SPECC1: variants seen among roughly 807,000 people sequenced by gnomAD.
SPECC1 encodes the protein sperm antigen with calponin homology and coiled-coil domains 1.
In SPECC1, 62 loss-of-function variants were observed where a neutral mutation model predicts 104.1. That is an observed-to-expected ratio of 0.60 (90% confidence interval 0.49 to 0.74). The LOEUF is 0.74. Among genes scored for constraint, SPECC1 ranks in the 30% least tolerant of loss-of-function variants. The pLI, the probability that SPECC1 is intolerant of heterozygous loss-of-function variation, is 0.00. For synonymous variants in SPECC1, 513 were observed against 501.6 expected (o/e 1.02, Z -0.30); for missense variants, 1,306 against 1,310.5 (o/e 1.00, Z 0.05).
At chr17:20,160,749 C>A (rs1341680555) in intron 3 of SPECC1, among the ~76,000 whole-genome samples, 1 of 152,128 alleles carries the variant, frequency 6.6e-6, no homozygotes, top group East Asian at 1.9e-4. Context: ...CTCTACAATT[C>A]TACATGATAT....
chr17:20,209,161 G>C (rs1047241719), intron 4 of SPECC1, among the ~76,000 whole-genome samples: 1 of 152,114 alleles, frequency 6.6e-6, no homozygotes, highest in African/African-American at 2.4e-5. Context: ...TCAGTTTTCA[G>C]TGGTTTCACT....
intron 1 of SPECC1, among the ~76,000 whole-genome samples, chr17:20,028,543 C>G (rs1238249947): frequency 6.6e-6 from 1 of 151,890 alleles, no homozygotes; most frequent in East Asian, 1.9e-4. Context: ...TCTGTACTCT[C>G]AATTATATTC....
At chr17:20,186,422 G>A (rs1168612228) in intron 3 of SPECC1, among the ~76,000 whole-genome samples, 4 of 152,180 alleles carry the variant, frequency 2.6e-5, no homozygotes, top group East Asian at 1.9e-4. Context: ...AGACTTGCTC[G>A]ATGCAGGGTT....
At chr17:20,017,144 T>A (rs2044167463) in intron 1 of SPECC1, 1 of 151,844 alleles carries the variant, frequency 6.6e-6, no homozygotes, top group Non-Finnish European at 1.5e-5. Context: ...GAGCCAAGAG[T>A]GGTAACGTGC....
intron 3 of SPECC1, among the ~76,000 whole-genome samples, chr17:20,197,572 A>G (rs147287687): frequency 1.3e-5 from 2 of 152,358 alleles, no homozygotes; most frequent in East Asian, 3.9e-4. Context: ...GCTTTTAACT[A>G]ATATGATTTT....
chr17:20,207,036 C>T (rs747789129), intron 4 of SPECC1, among the ~76,000 whole-genome samples: 45 of 152,120 alleles, frequency 3.0e-4, no homozygotes, highest in Admixed American at 3.3e-4. Flanking sequence ...TGCCCACCTC[C>T]CAGAGCAGTG....
intron 5 of SPECC1, among the ~76,000 whole-genome samples, chr17:20,228,193 G>C (rs537336514): frequency 6.6e-6 from 1 of 152,228 alleles, no homozygotes; most frequent in East Asian, 1.9e-4. Context: ...AAATAGAAAT[G>C]CTTTTCATTT....
chr17:20,063,652 T>C (rs2046265069), intron 1 of SPECC1, among the ~76,000 whole-genome samples: 1 of 152,184 alleles, frequency 6.6e-6, no homozygotes, highest in Non-Finnish European at 1.5e-5. Context: ...GGAAAACAAT[T>C]GTTGGCATCA....
intron 3 of SPECC1, among the ~76,000 whole-genome samples, chr17:20,115,503 A>G (rs1472614640): frequency 6.6e-6 from 1 of 152,098 alleles, no homozygotes; most frequent in Non-Finnish European, 1.5e-5. Flanking sequence ...ATAAAAATAA[A>G]AAAAATTGGA....
rs35835131 is a variant in SPECC1 at position 20,232,359 on chromosome 17, G to A, written c.2305G>A (p.Asp769Asn). Residue 769 changes from aspartate (D) to asparagine (N), a missense_variant, in exon 7 of 15, where the codon GAT becomes AAT. Around this residue, in one of 2 missense-constraint regions of SPECC1, gnomAD observed 1,177 missense variants for 1,139.9 expected, o/e 1.03. Coordinates refer to ENST00000395527, the MANE Select transcript of SPECC1 (RefSeq NM_001243439.2). ...TGCCCGGTTGCAGAAGGAGCTGGGG[G>A]ATGTGCAGGGCCACGGCAGGGTGGT... ...KNARLQKELGDVQGHGRVVTS... is the reference protein window; with the variant it reads ...KNARLQKELGNVQGHGRVVTS... 0.021 allele frequency: 33,182 copies of A among 1,613,818 alleles called. 453 individuals are homozygous for A. Among genetic ancestry groups the A allele is most frequent in the Non-Finnish European group, 0.025 (29,026 of 1,179,830 alleles).
intron 3 of SPECC1, among the ~76,000 whole-genome samples, chr17:20,127,396 T>G (rs1241955124): frequency 6.6e-6 from 1 of 151,876 alleles, no homozygotes; most frequent in African/African-American, 2.4e-5. Flanking sequence ...AATCAGAAAT[T>G]GAGAGGGATA....
At chr17:20,236,766 A>T in intron 7 of SPECC1, 1 of 1,514,028 alleles carries the variant, frequency 6.6e-7, no homozygotes, top group Non-Finnish European at 9.1e-7. Context: ...CCTGTGGGAC[A>T]GTGTAAGCTG....
rs1482493223 is a variant in SPECC1, at chr17:20,276,505, C to G, written c.2940+16211C>G. 2.0e-5 allele frequency among the ~76,000 whole-genome samples: 3 copies of G among 152,164 alleles called. No individual in the cohort carries two copies. In the East Asian group the frequency reaches 5.8e-4, roughly 29 times the overall value. ...GGCTTTACATGTAATCTGAAAATTCCTCTAACAGGGCAGCTTAGCCTGTTC... is the reference window on the plus strand; with the variant it reads ...GGCTTTACATGTAATCTGAAAATTCGTCTAACAGGGCAGCTTAGCCTGTTC... On this transcript the variant is annotated intron_variant, in intron 12 of 14. Coordinates refer to ENST00000395527, the MANE Select transcript of SPECC1 (RefSeq NM_001243439.2).
intron 12 of SPECC1, among the ~76,000 whole-genome samples, chr17:20,263,175 C>G (rs1048271467): frequency 3.3e-5 from 5 of 150,684 alleles, no homozygotes; most frequent in African/African-American, 1.2e-4. Flanking sequence ...GCCCATCAGC[C>G]ACGCTGCCGA....
intron 1 of SPECC1, among the ~76,000 whole-genome samples, chr17:20,031,818 G>T (rs949444014): frequency 6.6e-6 from 1 of 152,198 alleles, no homozygotes; most frequent in Non-Finnish European, 1.5e-5. Flanking sequence ...TAGCCATGTT[G>T]TAGCATGTGT....
chr17:20,042,694 C>T (rs774239081), intron 1 of SPECC1, among the ~76,000 whole-genome samples: 1 of 152,190 alleles, frequency 6.6e-6, no homozygotes, highest in South Asian at 2.1e-4. Flanking sequence ...AGACTGTCTC[C>T]TTCCTGGTCC....
In SPECC1 at chr17:20,228,772, G is replaced by T. The variant is rs570625087; in HGVS notation, c.2071+1152G>T. Among the ~76,000 whole-genome samples the T allele has an allele frequency of 3.9e-5, 6 of 152,280 alleles. No individual in the cohort carries two copies. In the South Asian group the frequency reaches 1.0e-3, roughly 26 times the overall value. ...TCATAGTTTGCTTTGAATTGGGAAAGAAATTTTTAAAAGAGATTAAACATT... is the reference window on the plus strand; with the variant it reads ...TCATAGTTTGCTTTGAATTGGGAAATAAATTTTTAAAAGAGATTAAACATT... On this transcript the variant is annotated intron_variant, in intron 5 of 14. Transcript: ENST00000395527.
At chr17:20,218,953 TCC>T (rs745494117) in intron 4 of SPECC1, among the ~76,000 whole-genome samples, 39 of 152,360 alleles carry the variant, frequency 2.6e-4, no homozygotes, top group Non-Finnish European at 4.9e-4. Flanking sequence ...GATTTCCAGT[TCC>T]ATCCATGTTG....
chr17:20,054,732 A>T (rs1307236289), intron 1 of SPECC1, among the ~76,000 whole-genome samples: 3 of 151,844 alleles, frequency 2.0e-5, no homozygotes, highest in Admixed American at 6.6e-5. Flanking sequence ...CAGTGGTGCA[A>T]TCATGGCTCA....
Sources: allele counts gnomAD v4.1 joint callset (sites outside exome capture counted in the v4.1 genomes callset), GRCh38; gene constraint gnomAD v4.1.1; regional missense constraint gnomAD v4.1.1; transcripts MANE v1.5; gene names NCBI Gene and HGNC (gene_info 2026-07-23, HGNC 2026-07-21).